The following ANKRD45 variants were observed in gnomAD, a reference collection of about 807,000 sequenced individuals.
ANKRD45 encodes ankyrin repeat domain 45.
ANKRD45 carries 21 observed loss-of-function variants against 28.1 expected under a neutral mutation model. The ratio of observed to expected loss-of-function variants is 0.75; its 90% confidence interval spans 0.53 to 1.08. The LOEUF (loss-of-function observed/expected upper bound fraction) is 1.08, where lower values mean the gene tolerates loss of function less well. Ranked by LOEUF, ANKRD45 falls within the 50% of genes least tolerant of loss-of-function variation. ANKRD45 has a pLI of 0.00. For synonymous variants in ANKRD45, 86 were observed against 103.9 expected (o/e 0.83, Z 1.05); for missense variants, 261 against 308.7 (o/e 0.85, Z 1.16).
chr1:173,617,604 G>T (rs2102315443), intron 5 of ANKRD45, among the ~76,000 whole-genome samples: 1 of 152,362 alleles, frequency 6.6e-6, no homozygotes, highest in Admixed American at 6.5e-5. Context: ...ACTCCAGCCA[G>T]GGTTATACAG....
chr1:173,608,833 G>A lies in ANKRD45; in HGVS notation c.*1312C>T, dbSNP rs2102301617. 8.0e-6 allele frequency among the ~76,000 whole-genome samples: 1 copy of A among 124,598 alleles called. No homozygotes were observed. Among genetic ancestry groups the A allele is most frequent in the African/African-American group, 3.1e-5 (1 of 32,362 alleles). 81.7% of individuals were successfully genotyped at this position (124,598 alleles called of 152,430 possible). A position where few individuals can be genotyped will look rare whatever the true frequency, so the allele number is the denominator to read the frequency against. The stretch of plus-strand genomic sequence containing the variant: ...GGAGAGGGAAGAGGAGGAGGAGAGA[G>A]AAGAGGAGGGGGAGGGGAGGGGAGA... On this transcript the variant is annotated 3_prime_UTR_variant, in exon 6 of 6. Coordinates refer to ENST00000333279, the MANE Select transcript of ANKRD45 (RefSeq NM_198493.3).
At chr1:173,658,015 C>T (rs1190286774) in intron 2 of ANKRD45, 1 of 152,024 alleles carries the variant, frequency 6.6e-6, no homozygotes, top group Non-Finnish European at 1.5e-5. Context: ...TCTTCTGTGA[C>T]CAATAGATGA....
chr1:173,683,236 C>A, the ANKRD45 span, among the ~76,000 whole-genome samples: 1 of 152,110 alleles, frequency 6.6e-6, no homozygotes, highest in Non-Finnish European at 1.5e-5. Context: ...TAACTTTAGC[C>A]AAGTTACTTA....
At chr1:173,620,168 C>T (rs1446921868) in intron 5 of ANKRD45, among the ~76,000 whole-genome samples, 1 of 152,218 alleles carries the variant, frequency 6.6e-6, no homozygotes, top group African/African-American at 2.4e-5. Context: ...CTCATCACCA[C>T]GTGGCACTTA....
the ANKRD45 span, among the ~76,000 whole-genome samples, chr1:173,689,766 T>G: frequency 6.6e-6 from 1 of 152,266 alleles, no homozygotes; most frequent in East Asian, 1.9e-4. Flanking sequence ...ATTTTCCCGG[T>G]GATCTGCGTT....
At chr1:173,698,699 T>C in the ANKRD45 span, among the ~76,000 whole-genome samples, 1 of 152,150 alleles carries the variant, frequency 6.6e-6, no homozygotes, top group South Asian at 2.1e-4. Context: ...TAGCAATAAA[T>C]GCCCACAAGA....
the ANKRD45 span, among the ~76,000 whole-genome samples, chr1:173,710,096 G>A: frequency 1.3e-5 from 2 of 152,212 alleles, no homozygotes; most frequent in Non-Finnish European, 2.9e-5. Context: ...AGGCCAAGGT[G>A]AGAGGATCAC....
intron 2 of ANKRD45, among the ~76,000 whole-genome samples, chr1:173,647,839 GCAGTGGCATGAATAGCTCACTGCAGCC>G: frequency 6.6e-6 from 1 of 152,148 alleles, no homozygotes; most frequent in Admixed American, 6.5e-5. Flanking sequence ...AGTTTAGAGT[GCAGTGGCATGAATAGCTCACTGCAGCC>G]TCGAACTCCT....
chr1:173,672,261 A>C (rs1670283638), upstream of ANKRD45, among the ~76,000 whole-genome samples: 1 of 152,228 alleles, frequency 6.6e-6, no homozygotes, highest in Non-Finnish European at 1.5e-5. Context: ...GAGGAACAAT[A>C]ATCTGTCAGT....
chr1:173,708,595 C>A, the ANKRD45 span, among the ~76,000 whole-genome samples: 1 of 152,212 alleles, frequency 6.6e-6, no homozygotes, highest in African/African-American at 2.4e-5. Context: ...CACAAACAAA[C>A]AAAGACACTG....
At chr1:173,682,686 C>CACAT in the ANKRD45 span, among the ~76,000 whole-genome samples, 2 of 79,786 alleles carry the variant, frequency 2.5e-5, no homozygotes, top group Non-Finnish European at 5.3e-5. Context: ...CTTTTAAATA[C>CACAT]ACACACACAC....
chr1:173,654,325 G>T (rs1669391789), intron 2 of ANKRD45, among the ~76,000 whole-genome samples: 1 of 152,092 alleles, frequency 6.6e-6, no homozygotes, highest in African/African-American at 2.4e-5. Flanking sequence ...TTGCTTGTCT[G>T]TAAAGGATTT....
chr1:173,649,989 T>G (rs1669109196), intron 2 of ANKRD45, among the ~76,000 whole-genome samples: 1 of 152,182 alleles, frequency 6.6e-6, no homozygotes, highest in African/African-American at 2.4e-5. Context: ...GGGAAGAAAT[T>G]AAGAGAAACA....
At chr1:173,634,866 A>G (rs1668354569) in intron 3 of ANKRD45, among the ~76,000 whole-genome samples, 1 of 151,954 alleles carries the variant, frequency 6.6e-6, no homozygotes, top group South Asian at 2.1e-4. Flanking sequence ...ACTACCTGAT[A>G]GTACCACATC....
At chr1:173,658,047 G>C (rs1429642741) in intron 2 of ANKRD45, 1 of 152,098 alleles carries the variant, frequency 6.6e-6, no homozygotes, top group African/African-American at 2.4e-5. Context: ...TTCTTGGCTG[G>C]ATGCATAGCT....
chr1:173,639,788 T>C (rs1336118774), intron 3 of ANKRD45, among the ~76,000 whole-genome samples: 2 of 152,212 alleles, frequency 1.3e-5, no homozygotes, highest in East Asian at 1.9e-4. Context: ...ACTCACTAGA[T>C]TGAAGCTACC....
chr1:173,682,871 T>A, the ANKRD45 span, among the ~76,000 whole-genome samples: 1 of 152,106 alleles, frequency 6.6e-6, no homozygotes, highest in African/African-American at 2.4e-5. Context: ...TTGGCCTGGC[T>A]AGCAAAAAGG....
chr1:173,608,753 G>T lies in ANKRD45; in HGVS notation c.*1392C>A, dbSNP rs1413165955. 1.3e-5 allele frequency among the ~76,000 whole-genome samples: 2 copies of T among 148,730 alleles called. No individual in the cohort carries two copies. Among genetic ancestry groups the T allele is most frequent in the Non-Finnish European group, 3.0e-5 (2 of 67,456 alleles). The stretch of plus-strand genomic sequence containing the variant: ...GGGCAGGAGAGGCAGACCCTGTCAA[G>T]AAGGTTGCGGGGGTGGAGAGAGAGA... On this transcript the variant is annotated 3_prime_UTR_variant, in exon 6 of 6. Transcript: ENST00000333279.
chr1:173,614,768 T>C (rs542288304), intron 5 of ANKRD45, among the ~76,000 whole-genome samples: 2 of 152,242 alleles, frequency 1.3e-5, no homozygotes, highest in South Asian at 4.1e-4. Flanking sequence ...TGAGGTGTAG[T>C]GTCCTGTTTT....
Sources: allele counts gnomAD v4.1 joint callset (sites outside exome capture counted in the v4.1 genomes callset), GRCh38; gene constraint gnomAD v4.1.1; transcripts MANE v1.5; gene names NCBI Gene and HGNC (gene_info 2026-07-23, HGNC 2026-07-21).